The following GRM3 variants were observed in gnomAD, a reference collection of about 807,000 sequenced individuals.
GRM3 encodes glutamate metabotropic receptor 3, also known as metabotropic glutamate receptor 3.
A neutral mutation model predicts 70.5 loss-of-function variants in GRM3; 26 were observed. The observed-to-expected ratio is 0.37, with a 90% CI of 0.27 to 0.51. The LOEUF is 0.51. Among genes scored for constraint, GRM3 ranks in the 20% least tolerant of loss-of-function variants. The probability of loss-of-function intolerance (pLI) is 0.93; values close to 1 mark genes in which losing one functional copy is unlikely to be tolerated. For missense variants in GRM3, 859 were observed against 1,123.8 expected (o/e 0.76, Z 3.37); for synonymous variants, 443 against 434.9 (o/e 1.02, Z -0.23).
intron 1 of GRM3, among the ~76,000 whole-genome samples, chr7:86,750,694 T>TA (rs75485023): frequency 3.2e-4 from 46 of 144,204 alleles, no homozygotes; most frequent in Middle Eastern, 3.6e-3. Context: ...TAAAGTAGAT[T>TA]AAAAAAAAAA....
Position 86,767,537 on chromosome 7 carries a change from AT to A in GRM3, c.468+1925del, listed in dbSNP as rs1188114625. ...TTCATATATATATATATATATATAT[AT>A]ATATATATATATATATATATAAATG... On this transcript the variant is annotated intron_variant, in intron 2 of 5. Coordinates refer to ENST00000361669, the MANE Select transcript of GRM3 (RefSeq NM_000840.3). 8.8e-5 allele frequency among the ~76,000 whole-genome samples: 12 copies of A among 137,050 alleles called. No homozygotes were observed. In the East Asian group the frequency reaches 2.5e-3, roughly 29 times the overall value. The allele number at this position is 137,050 out of a possible 152,430, so 89.9% of individuals were successfully genotyped here. A position where few individuals can be genotyped will look rare whatever the true frequency, so the allele number is the denominator to read the frequency against.
At chr7:86,695,543 G>A (rs897897062) in intron 1 of GRM3, among the ~76,000 whole-genome samples, 2 of 152,120 alleles carry the variant, frequency 1.3e-5, no homozygotes, top group African/African-American at 4.8e-5. Context: ...ATTAAAGGAC[G>A]GGAAAGCTGA....
chr7:86,716,175 C>G (rs190898820), intron 1 of GRM3, among the ~76,000 whole-genome samples: 4 of 151,982 alleles, frequency 2.6e-5, no homozygotes. Flanking sequence ...CTAAGAAAGT[C>G]AAGGTGGGGC....
intron 1 of GRM3, among the ~76,000 whole-genome samples, chr7:86,658,168 C>T (rs560498244): frequency 2.6e-4 from 40 of 152,298 alleles, no homozygotes; most frequent in South Asian, 1.2e-3. Flanking sequence ...CCTTGACCTT[C>T]GTCTTATACC....
At chr7:86,746,538 C>T (rs1030493593) in intron 1 of GRM3, among the ~76,000 whole-genome samples, 1 of 151,092 alleles carries the variant, frequency 6.6e-6, no homozygotes, top group African/African-American at 2.4e-5. Context: ...TTCAGCTCAA[C>T]ACCTTTATTC....
Position 86,712,849 on chromosome 7 carries a change from T to C in GRM3, c.-140-52157T>C, listed in dbSNP as rs190179549. 5.2e-4 allele frequency among the ~76,000 whole-genome samples: 79 copies of C among 152,246 alleles called. No individual in the cohort carries two copies. The East Asian group carries it at 0.015, about 28-fold the overall frequency. ...TATGCCTGAATAACATTTCATTGTG[T>C]ATATAACATTTTCTTTATCAATTCA... On this transcript the variant is annotated intron_variant, in intron 1 of 5. Transcript: ENST00000361669.
intron 3 of GRM3, among the ~76,000 whole-genome samples, chr7:86,788,349 G>A (rs1266983857): frequency 6.6e-6 from 1 of 152,150 alleles, no homozygotes; most frequent in African/African-American, 2.4e-5. Context: ...CTGCAAGGCA[G>A]CCTTGAAAAT....
intron 3 of GRM3, among the ~76,000 whole-genome samples, chr7:86,837,822 T>C (rs1462201963): frequency 1.3e-5 from 2 of 152,196 alleles, no homozygotes; most frequent in Non-Finnish European, 2.9e-5. Context: ...CTACCATGAG[T>C]AACAGAGTTT....
intron 1 of GRM3, among the ~76,000 whole-genome samples, chr7:86,689,580 AT>A (rs1794650126): frequency 1.3e-5 from 2 of 152,250 alleles, no homozygotes; most frequent in South Asian, 4.1e-4. Context: ...TAATGTTAAT[AT>A]TTTGCACTTA....
chr7:86,856,808 C>T (rs1170517537), intron 5 of GRM3, among the ~76,000 whole-genome samples: 1 of 152,162 alleles, frequency 6.6e-6, no homozygotes, highest in Non-Finnish European at 1.5e-5. Context: ...TCCCTTAAAT[C>T]ATTCTCTCTT....
intron 3 of GRM3, among the ~76,000 whole-genome samples, chr7:86,813,076 A>C (rs1341720638): frequency 1.3e-5 from 2 of 151,804 alleles, no homozygotes; most frequent in Non-Finnish European, 2.9e-5. Context: ...GAGTTATTTC[A>C]GAGTTCCAAT....
At chr7:86,651,146 C>T (rs951762335) in intron 1 of GRM3, among the ~76,000 whole-genome samples, 2 of 152,174 alleles carry the variant, frequency 1.3e-5, no homozygotes, top group Non-Finnish European at 2.9e-5. Context: ...TCAGTGCCTT[C>T]CCACAGACAG....
chr7:86,756,871 T>A (rs1796358013), intron 1 of GRM3, among the ~76,000 whole-genome samples: 1 of 152,156 alleles, frequency 6.6e-6, no homozygotes, highest in Non-Finnish European at 1.5e-5. Context: ...CACTGAAGAT[T>A]TGTTGAATTT....
intron 1 of GRM3, among the ~76,000 whole-genome samples, chr7:86,668,129 T>C (rs1289219084): frequency 6.6e-6 from 1 of 152,152 alleles, no homozygotes; most frequent in African/African-American, 2.4e-5. Flanking sequence ...TGTTGCTCTG[T>C]TTTGTGTATC....
chr7:86,771,854 C>T (rs900901854), intron 2 of GRM3, among the ~76,000 whole-genome samples: 2 of 152,066 alleles, frequency 1.3e-5, no homozygotes, highest in Non-Finnish European at 2.9e-5. Context: ...CGAAGCCTTC[C>T]TGGAAAGTTG....
chr7:86,765,570 T>A lies in GRM3; in HGVS notation c.425T>A (p.Ile142Asn). Residue 142 changes from isoleucine to asparagine, a missense_variant, in exon 2 of 6, where the codon ATT becomes AAT. Ile to Asn is a moderately radical substitution (Grantham distance 149). Transcript: ENST00000361669. ...YAIQENIPLL[I>N]AGVIGGSYSS... ...ATTCAAGAAAACATCCCACTTCTCATTGCAGGGGTCATTGGTGGCTCTTAT... is the reference window on the plus strand; with the variant it reads ...ATTCAAGAAAACATCCCACTTCTCAATGCAGGGGTCATTGGTGGCTCTTAT... 6.2e-7 allele frequency: 1 copy of A among 1,613,596 alleles called. No individual in the cohort carries two copies. The highest frequency in any genetic ancestry group is 8.5e-7 in the Non-Finnish European group (1 of 1,179,660).
intron 3 of GRM3, 150 bp downstream of exon 3, chr7:86,787,266 A>C (rs1797276857): frequency 1.5e-6 from 1 of 674,212 alleles, no homozygotes; most frequent in South Asian, 1.9e-5. Flanking sequence ...ATGCAATAGG[A>C]TGGTTCTCTA....
At chr7:86,662,224 A>G (rs1221162742) in intron 1 of GRM3, among the ~76,000 whole-genome samples, 1 of 151,870 alleles carries the variant, frequency 6.6e-6, no homozygotes, top group East Asian at 1.9e-4. Flanking sequence ...AGAACCACAA[A>G]TTATCTTTCA....
intron 1 of GRM3, among the ~76,000 whole-genome samples, chr7:86,662,969 T>TA (rs1192319066): frequency 2.0e-5 from 3 of 151,972 alleles, no homozygotes; most frequent in Non-Finnish European, 2.9e-5. Flanking sequence ...ACATTAAATT[T>TA]AAAAAAACTG....
Sources: gnomAD v4.1 joint callset for allele counts (sites outside exome capture counted in the v4.1 genomes callset) on GRCh38, gnomAD v4.1.1 for gene constraint, MANE v1.5 for transcripts, NCBI Gene and HGNC (gene_info 2026-07-23, HGNC 2026-07-21) for gene names.